Variants in TRPS1 observed in about 807,000 individuals in gnomAD.
TRPS1 encodes the protein zinc finger transcription factor Trps1.
Under a neutral mutation model 101.2 loss-of-function variants are expected in TRPS1, and 6 were observed. The ratio of observed to expected loss-of-function variants is 0.06; its 90% CI spans 0.03 to 0.12. The LOEUF is 0.12. TRPS1 is among the 10% of genes least tolerant of loss of function. The pLI is 1.00. For missense variants in TRPS1, 1,363 were observed against 1,567.0 expected (o/e 0.87, Z 2.20); for synonymous variants, 578 against 589.8 (o/e 0.98, Z 0.29).
intron 5 of TRPS1, among the ~76,000 whole-genome samples, chr8:115,494,100 T>C (rs1815093419): frequency 1.3e-5 from 2 of 152,228 alleles, no homozygotes; most frequent in Non-Finnish European, 2.9e-5. Flanking sequence ...CCAGTGTCCA[T>C]GGCAACAGTA....
chr8:115,557,706 A>G (rs1171065065), intron 5 of TRPS1, among the ~76,000 whole-genome samples: 5 of 152,118 alleles, frequency 3.3e-5, no homozygotes, highest in African/African-American at 9.7e-5. Flanking sequence ...TTCCTTTGCA[A>G]ATTACCCAGT....
chr8:115,656,492 G>A (rs1244686538), intron 1 of TRPS1, among the ~76,000 whole-genome samples: 2 of 152,060 alleles, frequency 1.3e-5, no homozygotes, highest in Non-Finnish European at 2.9e-5. Context: ...GGTAAAAGTT[G>A]TGAGTTCTTT....
intron 5 of TRPS1, chr8:115,492,274 G>T: frequency 2.2e-6 from 1 of 456,128 alleles, no homozygotes; most frequent in Non-Finnish European, 4.4e-6. Context: ...CAGGAAATGT[G>T]TTTGGCGTGT....
chr8:115,448,778 A>G (rs150099103), intron 5 of TRPS1, among the ~76,000 whole-genome samples: 79 of 152,338 alleles, frequency 5.2e-4, no homozygotes, highest in African/African-American at 1.7e-3. Flanking sequence ...CCATTAAACA[A>G]CTATAACAAA....
At chr8:115,474,926 A>G (rs1814563312) in intron 5 of TRPS1, among the ~76,000 whole-genome samples, 1 of 151,944 alleles carries the variant, frequency 6.6e-6, no homozygotes, top group African/African-American at 2.4e-5. Context: ...AAGAAAAGAG[A>G]AAAAAATTAT....
intron 4 of TRPS1, among the ~76,000 whole-genome samples, chr8:115,587,822 G>C (rs1295391208): frequency 8.6e-6 from 1 of 116,034 alleles, no homozygotes; most frequent in Non-Finnish European, 1.7e-5. Flanking sequence ...AGCAGTAATA[G>C]GTATAACACA....
At chr8:115,442,799 TA>T (rs1226975442) in intron 5 of TRPS1, among the ~76,000 whole-genome samples, 24 of 144,126 alleles carry the variant, frequency 1.7e-4, no homozygotes, top group Admixed American at 2.1e-4. Flanking sequence ...CTGTCTCTAC[TA>T]AAAAAAAAAG....
At chr8:115,477,117 T>C (rs1350833779) in intron 5 of TRPS1, among the ~76,000 whole-genome samples, 1 of 152,124 alleles carries the variant, frequency 6.6e-6, no homozygotes, top group Non-Finnish European at 1.5e-5. Flanking sequence ...ATTTGAAACA[T>C]TTGAATGAAT....
intron 5 of TRPS1, among the ~76,000 whole-genome samples, chr8:115,583,905 C>CA (rs1362625404): frequency 6.6e-6 from 1 of 151,388 alleles, no homozygotes; most frequent in East Asian, 1.9e-4. Context: ...TGACATAAGC[C>CA]AAAAAAAGGA....
intron 1 of TRPS1, among the ~76,000 whole-genome samples, chr8:115,662,784 T>C (rs531107897): frequency 2.6e-5 from 4 of 152,044 alleles, no homozygotes; most frequent in African/African-American, 9.6e-5. Flanking sequence ...GAGCTGCCTG[T>C]AGAAACGCAC....
intron 4 of TRPS1, among the ~76,000 whole-genome samples, chr8:115,588,618 GATACAC>G (rs1817618647): frequency 6.6e-6 from 1 of 152,164 alleles, no homozygotes; most frequent in African/African-American, 2.4e-5. Context: ...ATACCCGAAA[GATACAC>G]AAGTGATGTG....
rs148251076 is a variant in TRPS1, at chr8:115,603,204, A to G, written c.2096+669T>C. ...AGATTAACTGGGAAAGTTAATGTTT[A>G]TAAAGAGAATAGAGTGAAAGCAGAA... On this transcript the variant is annotated intron_variant, in intron 4 of 6. Coordinates refer to ENST00000395715, the MANE Select transcript of TRPS1 (RefSeq NM_014112.5). Among the ~76,000 whole-genome samples, 64 of 152,336 alleles carry G rather than the reference A, an allele frequency of 4.2e-4. 1 individual carries two copies. In the East Asian group the frequency reaches 0.01, roughly 24 times the overall value.
intron 5 of TRPS1, among the ~76,000 whole-genome samples, chr8:115,574,442 A>G (rs144461163): frequency 3.3e-5 from 5 of 152,244 alleles, no homozygotes; most frequent in African/African-American, 1.2e-4. Flanking sequence ...AAATATAATG[A>G]ATCTCTAGTG....
intron 5 of TRPS1, among the ~76,000 whole-genome samples, chr8:115,537,154 T>C (rs1816343367): frequency 6.6e-6 from 1 of 152,180 alleles, no homozygotes; most frequent in Admixed American, 6.5e-5. Flanking sequence ...AATCCAAATA[T>C]ATTTTTTAAA....
At chr8:115,488,272 C>T (rs1165317671) in intron 5 of TRPS1, among the ~76,000 whole-genome samples, 2 of 152,162 alleles carry the variant, frequency 1.3e-5, no homozygotes, top group African/African-American at 4.8e-5. Context: ...ATAATGTAAA[C>T]ATAACTTTTA....
intron 6 of TRPS1, among the ~76,000 whole-genome samples, chr8:115,415,541 A>G (rs1458746158): frequency 6.6e-6 from 1 of 152,208 alleles, no homozygotes; most frequent in African/African-American, 2.4e-5. Flanking sequence ...ATAAGTTTAT[A>G]TGTTGAAGCC....
chr8:115,517,012 T>C (rs1815729048), intron 5 of TRPS1, among the ~76,000 whole-genome samples: 1 of 151,580 alleles, frequency 6.6e-6, no homozygotes, highest in Non-Finnish European at 1.5e-5. Flanking sequence ...AAAAAATTCC[T>C]TTTCCGGAGT....
rs528253297 is a variant in TRPS1 at position 115,580,243 on chromosome 8, A to T, written c.2700+6758T>A. Among the ~76,000 whole-genome samples, 198 of 139,046 alleles carry T rather than the reference A, an allele frequency of 1.4e-3. 1 individual carries two copies. The highest frequency in any genetic ancestry group is 4.8e-3 in the South Asian group (22 of 4,612). The allele number at this position is 139,046 out of a possible 152,430, so 91.2% of individuals were successfully genotyped here. ...AATGGAAGGGAGAGAAGAAAAAAAA[A>T]AAATATATATATATATATATATGAG... On this transcript the variant is annotated intron_variant, in intron 5 of 6. Coordinates refer to ENST00000395715, the MANE Select transcript of TRPS1 (RefSeq NM_014112.5).
intron 1 of TRPS1, among the ~76,000 whole-genome samples, chr8:115,664,396 G>A (rs1268346463): frequency 6.6e-6 from 1 of 152,024 alleles, no homozygotes; most frequent in East Asian, 1.9e-4. Context: ...CTATATCTAA[G>A]GGGGACTCAA....
Sources: gnomAD v4.1 joint callset for allele counts (sites outside exome capture counted in the v4.1 genomes callset) on GRCh38, gnomAD v4.1.1 for gene constraint, MANE v1.5 for transcripts, NCBI Gene and HGNC (gene_info 2026-07-23, HGNC 2026-07-21) for gene names.